MIDEAS: variants seen among roughly 807,000 people sequenced by gnomAD.
MIDEAS encodes mitotic deacetylase-associated SANT domain protein.
A neutral mutation model predicts 102.7 loss-of-function variants in MIDEAS; 26 were observed. The ratio of observed to expected loss-of-function variants is 0.25; its 90% confidence interval spans 0.19 to 0.35. The LOEUF is 0.35. Ranked by LOEUF, MIDEAS falls within the 10% of genes least tolerant of loss-of-function variation. The pLI, the probability that MIDEAS is intolerant of heterozygous loss-of-function variation, is 1.00. For missense variants in MIDEAS, 1,231 were observed against 1,435.6 expected (o/e 0.86, Z 2.30); for synonymous variants, 585 against 591.0 (o/e 0.99, Z 0.15).
chr14:73,757,991 C>A (rs2053505954), intron 1 of MIDEAS, among the ~76,000 whole-genome samples: 1 of 152,184 alleles, frequency 6.6e-6, no homozygotes, highest in Non-Finnish European at 1.5e-5. Flanking sequence ...GCCACACTGG[C>A]AGTGGCTAGG....
chr14:73,740,421 A>G (rs2053268492), intron 1 of MIDEAS, among the ~76,000 whole-genome samples, 166 bp from the exon 2 acceptor site: 1 of 152,136 alleles, frequency 6.6e-6, no homozygotes, highest in South Asian at 2.1e-4. Flanking sequence ...AGGAGCCAGG[A>G]CTTTTGGGGA....
chr14:73,780,461 A>G (rs1207977447), intron 1 of MIDEAS, among the ~76,000 whole-genome samples: 1 of 152,234 alleles, frequency 6.6e-6, no homozygotes, highest in African/African-American at 2.4e-5. Flanking sequence ...GTCATGGTTT[A>G]TAAGGGACTA....
At chr14:73,727,628 CAG>C (rs2053082371) in intron 4 of MIDEAS, 104 bp from the exon 5 acceptor site, 1 of 1,126,630 alleles carries the variant, frequency 8.9e-7, no homozygotes, top group Non-Finnish European at 1.2e-6. Flanking sequence ...TGGTGACACA[CAG>C]AGCTCACGCA....
At chr14:73,752,801 T>C (rs79568288) in intron 1 of MIDEAS, among the ~76,000 whole-genome samples, 1,741 of 152,306 alleles carry the variant, frequency 0.011, 36 homozygotes, top group African/African-American at 0.04. Flanking sequence ...TTTTCTCCTA[T>C]GTTGATTTAT....
chr14:73,734,209 T>A (rs867795463), intron 3 of MIDEAS, among the ~76,000 whole-genome samples: 28 of 152,222 alleles, frequency 1.8e-4, no homozygotes, highest in Non-Finnish European at 3.1e-4. Flanking sequence ...GGTCTCGATC[T>A]CTTGACCTCG....
In MIDEAS at chr14:73,738,669, C is replaced by T. The variant is rs574920452; in HGVS notation, c.1340G>A (p.Arg447Gln). ...TCGCGTGCTCTGGATCACTCCGCCCCGTAGCACCTGCCCACAGTCCCCTGT... is the reference window on the plus strand; with the variant it reads ...TCGCGTGCTCTGGATCACTCCGCCCTGTAGCACCTGCCCACAGTCCCCTGT... ...VSTGDCGQVLRGGVIQSTRRR... is the reference protein window; with the variant it reads ...VSTGDCGQVLQGGVIQSTRRR... The change falls in exon 2 of 13, where the codon CGG (arginine) becomes CAG (glutamine). Residue 447 changes from arginine (R) to glutamine (Q), a missense_variant. Physicochemically the swap from Arg to Gln is conservative, Grantham distance 43. This residue lies in a region of MIDEAS where 758 missense variants were observed against 856.0 expected (regional missense o/e 0.89). Transcript: ENST00000423556. The T allele has an allele frequency of 2.7e-5, 44 of 1,613,880 alleles. No homozygotes were observed. In the South Asian group the frequency reaches 3.4e-4, roughly 12 times the overall value.
chr14:73,724,065 T>G (rs1000590632), intron 9 of MIDEAS: 3 of 152,362 alleles, frequency 2.0e-5, no homozygotes, highest in East Asian at 1.9e-4. Context: ...TTCAGTTTTT[T>G]CATGTGTAAA....
chr14:73,738,468 G>A, intron 2 of MIDEAS, 92 bp downstream of exon 2: 2 of 1,422,352 alleles, frequency 1.4e-6, no homozygotes, highest in Non-Finnish European at 1.9e-6. Context: ...GCAAAGTCTG[G>A]CTTTCCCTAG....
At chr14:73,790,227 A>C (rs1445171605), upstream of MIDEAS, 2 of 152,170 alleles carry the variant, frequency 1.3e-5, no homozygotes, top group Non-Finnish European at 2.9e-5. Flanking sequence ...TATAAAACAA[A>C]GTTTCAGGAA....
At chr14:73,744,815 G>C (rs2053329838) in intron 1 of MIDEAS, among the ~76,000 whole-genome samples, 1 of 152,130 alleles carries the variant, frequency 6.6e-6, no homozygotes, top group Non-Finnish European at 1.5e-5. Flanking sequence ...CATCAGGCCA[G>C]GTCCTATTAA....
At chr14:73,743,598 G>A (rs1394652489) in intron 1 of MIDEAS, among the ~76,000 whole-genome samples, 1 of 151,908 alleles carries the variant, frequency 6.6e-6, no homozygotes, top group Non-Finnish European at 1.5e-5. Context: ...CCCCACCCCC[G>A]CTGCCCTGTC....
intron 3 of MIDEAS, among the ~76,000 whole-genome samples, chr14:73,732,780 CCT>C: frequency 8.6e-6 from 1 of 115,738 alleles, no homozygotes; most frequent in Non-Finnish European, 1.7e-5. Context: ...AGTGAGACTC[CCT>C]CTCAAAAAAA....
At chr14:73,731,021 G>A (rs993310459) in intron 3 of MIDEAS, among the ~76,000 whole-genome samples, 4 of 152,184 alleles carry the variant, frequency 2.6e-5, no homozygotes, top group Admixed American at 6.5e-5. Context: ...CAGAACTTTT[G>A]TTCTCATAGT....
Position 73,740,223 on chromosome 14 carries a change from C to G in MIDEAS, c.-215G>C. Reference sequence around the variant, plus strand: ...GAGGCTCTGGGGCTCAGCTACTCTTCCCAGTTCATGATGCTCCACAGGGTT... The same window carrying G: ...GAGGCTCTGGGGCTCAGCTACTCTTGCCAGTTCATGATGCTCCACAGGGTT... On this transcript the variant is annotated 5_prime_UTR_variant, in exon 2 of 13. Transcript: ENST00000423556. 1 of 490,518 alleles carries G rather than the reference C, an allele frequency of 2.0e-6. No individual in the cohort carries two copies. Among genetic ancestry groups the G allele is most frequent in the Non-Finnish European group, 3.3e-6 (1 of 305,404 alleles). 30.4% of individuals were successfully genotyped at this position (490,518 alleles called of 1,614,324 possible). A position where few individuals can be genotyped will look rare whatever the true frequency, so the allele number is the denominator to read the frequency against.
chr14:73,780,565 G>A (rs2053746074), intron 1 of MIDEAS, among the ~76,000 whole-genome samples: 2 of 152,228 alleles, frequency 1.3e-5, no homozygotes, highest in Admixed American at 1.3e-4. Flanking sequence ...AGGAGCATGT[G>A]GCACTCTGCT....
chr14:73,756,267 A>AGTGTGTGTGTGT (rs772519833), intron 1 of MIDEAS, among the ~76,000 whole-genome samples: 20 of 141,132 alleles, frequency 1.4e-4, no homozygotes, highest in East Asian at 1.3e-3. Flanking sequence ...AGCCCATGTC[A>AGTGTGTGTGTGT]GTGTGTGTGT....
Position 73,719,005 on chromosome 14 carries a change from C to T in MIDEAS, c.3138G>A (p.Val1046=). The change falls in exon 13 of 13, where the codon GTG becomes GTA. Residue 1046 remains valine (V), a synonymous_variant. Transcript: ENST00000423556. ...CACTGCGGCTCTTCACCTTGTAAAA[C>T]ACCCTGCAGCCGGGTGGGGGTTGCT... The part of the protein sequence containing the change: ...NTFPCKKCGR[V]FYKVKSRSAH... The T allele has an allele frequency of 1.4e-6, 2 of 1,479,762 alleles. No homozygotes were observed. The highest frequency in any genetic ancestry group is 1.8e-6 in the Non-Finnish European group (2 of 1,122,912). 91.7% of individuals were successfully genotyped at this position (1,479,762 alleles called of 1,614,324 possible). A position where few individuals can be genotyped will look rare whatever the true frequency, so the allele number is the denominator to read the frequency against.
chr14:73,730,083 T>C, intron 3 of MIDEAS, 98 bp from the exon 4 acceptor site: 3 of 1,252,500 alleles, frequency 2.4e-6, no homozygotes, highest in Non-Finnish European at 3.4e-6. Flanking sequence ...TGGAACTTAG[T>C]CTGCCTACCA....
chr14:73,762,853 A>C (rs2053565200), upstream of MIDEAS, among the ~76,000 whole-genome samples: 1 of 152,170 alleles, frequency 6.6e-6, no homozygotes. Flanking sequence ...GTTACCAGGG[A>C]GTGTGACAAG....
Sources: allele counts gnomAD v4.1 joint callset (sites outside exome capture counted in the v4.1 genomes callset), GRCh38; gene constraint gnomAD v4.1.1; regional missense constraint gnomAD v4.1.1; transcripts MANE v1.5; gene names NCBI Gene and HGNC (gene_info 2026-07-23, HGNC 2026-07-21).